The following TRAPPC9 variants were observed in gnomAD, a reference collection of about 807,000 sequenced individuals.
The protein encoded by TRAPPC9 is IKK2 binding protein.
Under a neutral mutation model 124.0 loss-of-function variants are expected in TRAPPC9, and 83 were observed. The ratio of observed to expected loss-of-function variants is 0.67; its 90% CI spans 0.56 to 0.80. TRAPPC9 has a LOEUF of 0.80. Ranked by LOEUF, TRAPPC9 falls within the 30% of genes least tolerant of loss-of-function variation. The probability of loss-of-function intolerance (pLI) is 0.00; values close to 1 mark genes in which losing one functional copy is unlikely to be tolerated. For synonymous variants in TRAPPC9, 638 were observed against 617.5 expected (o/e 1.03, Z -0.49); for missense variants, 1,302 against 1,508.3 (o/e 0.86, Z 2.27).
intron 17 of TRAPPC9, among the ~76,000 whole-genome samples, chr8:140,055,311 T>C (rs192303133): frequency 1.4e-3 from 206 of 152,058 alleles, no homozygotes; most frequent in African/African-American, 4.3e-3. Context: ...TATGAGAAAA[T>C]TCAACACCCT....
intron 21 of TRAPPC9, among the ~76,000 whole-genome samples, chr8:139,745,285 C>T (rs1336403961): frequency 6.6e-6 from 1 of 152,168 alleles, no homozygotes; most frequent in African/African-American, 2.4e-5. Flanking sequence ...CTGGGTGAGC[C>T]CCTTCGGAAG....
chr8:139,836,025 T>C (rs1335454417), intron 21 of TRAPPC9, among the ~76,000 whole-genome samples: 1 of 151,814 alleles, frequency 6.6e-6, no homozygotes, highest in Non-Finnish European at 1.5e-5. Context: ...TTTATTTTTT[T>C]TGAGACAGAG....
At chr8:140,039,717 C>T (rs1211108892) in intron 17 of TRAPPC9, 1 of 152,218 alleles carries the variant, frequency 6.6e-6, no homozygotes, top group Non-Finnish European at 1.5e-5. Flanking sequence ...TAGGTAGCTG[C>T]CTTCCTGCTA....
intron 17 of TRAPPC9, among the ~76,000 whole-genome samples, chr8:140,057,555 G>A (rs962943972): frequency 6.6e-6 from 1 of 152,150 alleles, no homozygotes; most frequent in African/African-American, 2.4e-5. Context: ...TGAGGCTTGA[G>A]GACATTATGC....
At chr8:139,757,978 C>T (rs1015679443) in intron 21 of TRAPPC9, among the ~76,000 whole-genome samples, 10 of 152,314 alleles carry the variant, frequency 6.6e-5, no homozygotes, top group East Asian at 1.9e-4. Flanking sequence ...GTGTCCCTGC[C>T]GAGTGGCCTC....
intron 20 of TRAPPC9, among the ~76,000 whole-genome samples, chr8:139,893,666 C>T (rs1830486124): frequency 6.6e-6 from 1 of 152,214 alleles, no homozygotes; most frequent in Non-Finnish European, 1.5e-5. Flanking sequence ...TCAAAAGCTG[C>T]CCTTCACCAG....
chr8:140,243,763 A>T (rs149634471), intron 16 of TRAPPC9, among the ~76,000 whole-genome samples: 1 of 152,368 alleles, frequency 6.6e-6, no homozygotes, highest in East Asian at 1.9e-4. Context: ...TTTGTCCACC[A>T]GAATTGTGAC....
chr8:139,875,817 C>A (rs905925511), intron 21 of TRAPPC9, among the ~76,000 whole-genome samples: 1 of 152,246 alleles, frequency 6.6e-6, no homozygotes, highest in Non-Finnish European at 1.5e-5. Flanking sequence ...CCTCCACAGG[C>A]CTCAGAAGTA....
intron 21 of TRAPPC9, among the ~76,000 whole-genome samples, chr8:139,746,760 C>T (rs1818921734): frequency 6.6e-6 from 1 of 152,240 alleles, no homozygotes; most frequent in Non-Finnish European, 1.5e-5. Context: ...TAACCAAGCC[C>T]TCCCTTTCAG....
At chr8:140,271,956 T>C (rs1252063818) in intron 15 of TRAPPC9, among the ~76,000 whole-genome samples, 4 of 151,886 alleles carry the variant, frequency 2.6e-5, no homozygotes, top group Admixed American at 2.0e-4. Context: ...GTGATGGTGA[T>C]GGTGCTTGTG....
rs1056859316 is a variant in TRAPPC9 at position 140,361,821 on chromosome 8, C to T, written c.1352-1628G>A. On this transcript the variant is annotated intron_variant, in intron 8 of 22. Transcript: ENST00000438773. ...TTACTATTGCATCCCCAGGACAGGG[C>T]CTGACGTGAGACTGGGCGCTCGGCT... Among the ~76,000 whole-genome samples the T allele has an allele frequency of 2.0e-5, 3 of 152,144 alleles. No individual in the cohort carries two copies. The South Asian group carries it at 6.2e-4, about 31-fold the overall frequency.
At chr8:140,082,331 A>G (rs1005242246) in intron 17 of TRAPPC9, among the ~76,000 whole-genome samples, 2 of 152,138 alleles carry the variant, frequency 1.3e-5, no homozygotes, top group Non-Finnish European at 2.9e-5. Flanking sequence ...AGGATGAAAA[A>G]TGTGCTGAAT....
At chr8:140,410,168 A>AT (rs2069650006) in intron 5 of TRAPPC9, among the ~76,000 whole-genome samples, 1 of 148,896 alleles carries the variant, frequency 6.7e-6, no homozygotes, top group Non-Finnish European at 1.5e-5. Context: ...AAAAAAAAAA[A>AT]ATAGGAGAGG....
intron 7 of TRAPPC9, among the ~76,000 whole-genome samples, chr8:140,393,677 T>G (rs2069000460): frequency 6.6e-6 from 1 of 152,192 alleles, no homozygotes; most frequent in Non-Finnish European, 1.5e-5. Context: ...AATAATCATA[T>G]CTCAGTTCCT....
At chr8:139,883,975 T>C (rs117880101) in intron 21 of TRAPPC9, among the ~76,000 whole-genome samples, 1 of 152,166 alleles carries the variant, frequency 6.6e-6, no homozygotes, top group Non-Finnish European at 1.5e-5. Context: ...TGCTCAACAA[T>C]CCAATCTGAC....
intron 21 of TRAPPC9, among the ~76,000 whole-genome samples, chr8:139,743,677 G>A (rs1176849391): frequency 2.0e-5 from 3 of 152,192 alleles, no homozygotes; most frequent in Admixed American, 1.3e-4. Context: ...GCCAAGACCC[G>A]AGATGAGAGA....
At chr8:140,302,102 C>A (rs931064954) in intron 10 of TRAPPC9, among the ~76,000 whole-genome samples, 2 of 152,212 alleles carry the variant, frequency 1.3e-5, no homozygotes, top group Non-Finnish European at 2.9e-5. Context: ...TGAGGAGGGA[C>A]CTCAGATGCC....
intron 21 of TRAPPC9, among the ~76,000 whole-genome samples, chr8:139,784,064 C>T (rs972494458): frequency 5.9e-5 from 9 of 152,204 alleles, no homozygotes; most frequent in Admixed American, 3.9e-4. Context: ...AGACCCCATG[C>T]TTTCCCCTTC....
intron 7 of TRAPPC9, among the ~76,000 whole-genome samples, chr8:140,390,564 T>A (rs974709670): frequency 2.2e-4 from 34 of 152,140 alleles, no homozygotes; most frequent in African/African-American, 7.0e-4. Flanking sequence ...GATCTGAAAC[T>A]CCAGCCTAAG....
Sources: gnomAD v4.1 joint callset for allele counts (sites outside exome capture counted in the v4.1 genomes callset) on GRCh38, gnomAD v4.1.1 for gene constraint, MANE v1.5 for transcripts, NCBI Gene and HGNC (gene_info 2026-07-23, HGNC 2026-07-21) for gene names.